The following BLOC1S5 variants were observed in gnomAD, a reference collection of about 807,000 sequenced individuals.
BLOC1S5 encodes the protein biogenesis of lysosome-related organelles complex 1 subunit 5.
BLOC1S5 carries 27 observed loss-of-function variants against 24.3 expected under a neutral mutation model. The ratio of observed to expected loss-of-function variants is 1.11; its 90% CI spans 0.82 to 1.53. The LOEUF (loss-of-function observed/expected upper bound fraction) is 1.53, where lower values mean the gene tolerates loss of function less well. Among genes scored for constraint, BLOC1S5 ranks in the 40% most tolerant of loss-of-function variants. The pLI is 0.00. For synonymous variants in BLOC1S5, 84 were observed against 74.5 expected, an observed-to-expected ratio of 1.13 and a Z score of -0.66; for missense variants, 239 against 229.4, an observed-to-expected ratio of 1.04 and a Z score of -0.27.
At chr6:8,039,434 G>C (rs13206548) in intron 3 of BLOC1S5, among the ~76,000 whole-genome samples, 1 of 152,154 alleles carries the variant, frequency 6.6e-6, no homozygotes. Context: ...ATAGCTAGAA[G>C]AGAATAATTT....
At chr6:8,058,250 T>A (rs1484650175) in intron 2 of BLOC1S5, among the ~76,000 whole-genome samples, 1 of 150,514 alleles carries the variant, frequency 6.6e-6, no homozygotes, top group Admixed American at 6.7e-5. Context: ...CCGAGCATGG[T>A]GGCTCATGCT....
chr6:8,064,168 G>T, intron 1 of BLOC1S5, 97 bp downstream of exon 1: 1 of 1,058,762 alleles, frequency 9.4e-7, no homozygotes. Flanking sequence ...ACGCGCGCCA[G>T]CCCGGGACCC....
rs1762683804 is a variant in BLOC1S5, at chr6:8,014,884, T to G, written c.*765A>C. 1 of 152,658 alleles carries G rather than the reference T, an allele frequency of 6.6e-6. No homozygotes were observed. Among genetic ancestry groups the G allele is most frequent in the African/African-American group, 2.4e-5 (1 of 41,468 alleles). 9.5% of individuals were successfully genotyped at this position (152,658 alleles called of 1,614,324 possible). On this transcript the variant is annotated 3_prime_UTR_variant, in exon 5 of 5. Transcript: ENST00000397457. The stretch of plus-strand genomic sequence containing the variant: ...AGACACAAAAATGAGGTAAATACTA[T>G]GGGCAAGATTATAGCTCTTGGAAAA...
chr6:8,033,566 G>A (rs572772961), intron 3 of BLOC1S5, among the ~76,000 whole-genome samples: 2 of 152,284 alleles, frequency 1.3e-5, no homozygotes, highest in African/African-American at 4.8e-5. Context: ...ACATAGGCAT[G>A]GACAAGGACT....
Position 8,064,260 on chromosome 6 carries a change from C to G in BLOC1S5, c.112+5G>C. The G allele has an allele frequency of 1.9e-6, 3 of 1,611,830 alleles. No homozygotes were observed. Among genetic ancestry groups the G allele is most frequent in the Non-Finnish European group, 1.7e-6 (2 of 1,178,528 alleles). On this transcript the variant is annotated splice_donor_5th_base_variant and intron_variant, in intron 1 of 4. Transcript: ENST00000397457. Reference sequence around the variant, plus strand: ...ACCAGGAACTATAGCCCTGACACTCCGTACCCTTGATAATGAGGTGCGCTG... The same window carrying G: ...ACCAGGAACTATAGCCCTGACACTCGGTACCCTTGATAATGAGGTGCGCTG...
intron 2 of BLOC1S5, among the ~76,000 whole-genome samples, chr6:8,060,417 T>C (rs1411563933): frequency 1.3e-5 from 2 of 152,018 alleles, no homozygotes; most frequent in African/African-American, 2.4e-5. Flanking sequence ...GCGCTTTCCA[T>C]GTAAAGAAAA....
chr6:8,032,075 CA>C (rs151105544), intron 3 of BLOC1S5, among the ~76,000 whole-genome samples: 1,692 of 152,150 alleles, frequency 0.011, 31 homozygotes, highest in African/African-American at 0.039. Flanking sequence ...ACTTCATGAC[CA>C]AGAACCCAAA....
chr6:8,062,343 T>C (rs1581440796), intron 2 of BLOC1S5, among the ~76,000 whole-genome samples, 191 bp downstream of exon 2: 1 of 152,308 alleles, frequency 6.6e-6, no homozygotes, highest in East Asian at 1.9e-4. Context: ...CCAGAACTTA[T>C]GTATCCTGCT....
At chr6:8,030,305 A>G (rs145387967) in intron 3 of BLOC1S5, among the ~76,000 whole-genome samples, 5,908 of 151,798 alleles carry the variant, frequency 0.039, 365 homozygotes, top group African/African-American at 0.13. Flanking sequence ...GACTACAGGC[A>G]TGCACCACCA....
chr6:8,021,087 G>C (rs1762899583), intron 4 of BLOC1S5, among the ~76,000 whole-genome samples: 1 of 152,170 alleles, frequency 6.6e-6, no homozygotes, highest in Admixed American at 6.5e-5. Flanking sequence ...AGAAAATTCT[G>C]ACACATGCTA....
At chr6:8,032,415 C>T (rs552323998) in intron 3 of BLOC1S5, among the ~76,000 whole-genome samples, 16 of 152,008 alleles carry the variant, frequency 1.1e-4, no homozygotes, top group African/African-American at 3.9e-4. Context: ...TCGATAAGAC[C>T]TTACTCCTGC....
At chr6:8,033,421 C>A (rs1763372116) in intron 3 of BLOC1S5, among the ~76,000 whole-genome samples, 2 of 152,112 alleles carry the variant, frequency 1.3e-5, no homozygotes, top group Admixed American at 6.6e-5. Context: ...AACTGGCTAG[C>A]CATATGTAGG....
chr6:8,053,292 T>G (rs1055250390), intron 2 of BLOC1S5, among the ~76,000 whole-genome samples: 32 of 152,230 alleles, frequency 2.1e-4, no homozygotes, highest in Non-Finnish European at 4.6e-4. Context: ...CCAAGCAGCA[T>G]TTTATGCTAC....
At chr6:8,057,792 A>T (rs1764366203) in intron 2 of BLOC1S5, among the ~76,000 whole-genome samples, 1 of 152,188 alleles carries the variant, frequency 6.6e-6, no homozygotes, top group Admixed American at 6.5e-5. Flanking sequence ...TTGCACTATT[A>T]AATACTTTTC....
At chr6:8,029,195 T>G (rs1401460350) in intron 3 of BLOC1S5, among the ~76,000 whole-genome samples, 2 of 152,096 alleles carry the variant, frequency 1.3e-5, no homozygotes, top group African/African-American at 4.8e-5. Flanking sequence ...CTAGCTTCAC[T>G]CTCCACAACA....
intron 2 of BLOC1S5, among the ~76,000 whole-genome samples, chr6:8,045,478 A>G (rs138127989): frequency 1.1e-4 from 16 of 152,072 alleles, no homozygotes; most frequent in African/African-American, 4.8e-5. Context: ...TTGTGGGAAG[A>G]GGACCACCGT....
Position 8,045,037 on chromosome 6 carries a change from T to C in BLOC1S5, c.196-3769A>G, listed in dbSNP as rs963490042. Among the ~76,000 whole-genome samples the C allele has an allele frequency of 2.6e-5, 4 of 152,208 alleles. No homozygotes were observed. In the South Asian group the frequency reaches 6.2e-4, roughly 24 times the overall value. On this transcript the variant is annotated intron_variant, in intron 2 of 4. Transcript: ENST00000397457. ...CAATGGGGAAAATGTCTCCAGAGCATGTCAGAGGTCTTCATGGCTGTCCCT... is the reference window on the plus strand; with the variant it reads ...CAATGGGGAAAATGTCTCCAGAGCACGTCAGAGGTCTTCATGGCTGTCCCT...
At chr6:8,063,669 C>G (rs527815769) in intron 1 of BLOC1S5, among the ~76,000 whole-genome samples, 2 of 152,160 alleles carry the variant, frequency 1.3e-5, no homozygotes, top group African/African-American at 4.8e-5. Context: ...CAAAGACTTT[C>G]ACGCAGCAAA....
intron 3 of BLOC1S5, chr6:8,027,208 T>C (rs895662267): frequency 6.1e-6 from 2 of 329,294 alleles, no homozygotes; most frequent in Non-Finnish European, 1.2e-5. Context: ...CTTACTTACT[T>C]TATCCAAATA....
Sources: gnomAD v4.1 joint callset for allele counts (sites outside exome capture counted in the v4.1 genomes callset) on GRCh38, gnomAD v4.1.1 for gene constraint, MANE v1.5 for transcripts, NCBI Gene and HGNC (gene_info 2026-07-23, HGNC 2026-07-21) for gene names.